The following DTL variants were observed in gnomAD, a reference collection of about 807,000 sequenced individuals.
DTL encodes the protein denticleless E3 ubiquitin protein ligase adapter.
A neutral mutation model predicts 87.0 loss-of-function variants in DTL; 46 were observed. The ratio of observed to expected loss-of-function variants is 0.53; its 90% CI spans 0.42 to 0.68. DTL has a LOEUF of 0.68. Among genes scored for constraint, DTL ranks in the 30% least tolerant of loss-of-function variants. DTL has a pLI of 0.00. For synonymous variants in DTL, 308 were observed against 311.2 expected, an observed-to-expected ratio of 0.99 and a Z score of 0.11; for missense variants, 737 against 869.4, an observed-to-expected ratio of 0.85 and a Z score of 1.91.
chr1:212,071,841 A>G (rs1217591963), intron 10 of DTL, among the ~76,000 whole-genome samples: 1 of 152,114 alleles, frequency 6.6e-6, no homozygotes, highest in Non-Finnish European at 1.5e-5. Context: ...TTTTCCCTCC[A>G]ATTTTTTTCT....
intron 13 of DTL, among the ~76,000 whole-genome samples, chr1:212,093,286 C>G (rs1655340549): frequency 6.6e-6 from 1 of 152,100 alleles, no homozygotes; most frequent in Non-Finnish European, 1.5e-5. Context: ...CTCCTGAAGC[C>G]CCAGTGGGCG....
intron 1 of DTL, among the ~76,000 whole-genome samples, chr1:212,037,754 A>G (rs1334456380): frequency 6.6e-6 from 1 of 152,240 alleles, no homozygotes; most frequent in Non-Finnish European, 1.5e-5. Context: ...GACCTCGGTC[A>G]TAGTGGTGGT....
rs1655713118 is a variant in DTL, at chr1:212,104,377, C to G, written c.*1437C>G. Reference sequence around the variant, plus strand: ...TGGATCAAGTAAGCATAGTTTTATCCAGGGAGAAAAATAAAAGGAAGCCAT... The same window carrying G: ...TGGATCAAGTAAGCATAGTTTTATCGAGGGAGAAAAATAAAAGGAAGCCAT... On this transcript the variant is annotated 3_prime_UTR_variant, in exon 15 of 15. Coordinates refer to ENST00000366991, the MANE Select transcript of DTL (RefSeq NM_016448.4). The G allele has an allele frequency of 1.3e-5, 2 of 151,330 alleles. No homozygotes were observed. Among genetic ancestry groups the G allele is most frequent in the South Asian group, 4.2e-4 (2 of 4,776 alleles). 9.4% of individuals were successfully genotyped at this position (151,330 alleles called of 1,614,324 possible).
intron 12 of DTL, among the ~76,000 whole-genome samples, chr1:212,079,372 A>G (rs988800256): frequency 1.3e-5 from 2 of 152,014 alleles, no homozygotes. Flanking sequence ...TCATATATTA[A>G]TTATCCTTAT....
At chr1:212,085,234 T>C (rs1325928812) in intron 13 of DTL, among the ~76,000 whole-genome samples, 3 of 152,226 alleles carry the variant, frequency 2.0e-5, no homozygotes, top group Non-Finnish European at 4.4e-5. Context: ...TAGTCATTAA[T>C]ACAATCTAAT....
chr1:212,037,613 C>G (rs1667527149), intron 1 of DTL, among the ~76,000 whole-genome samples: 1 of 152,136 alleles, frequency 6.6e-6, no homozygotes, highest in South Asian at 2.1e-4. Flanking sequence ...CAAACACCAC[C>G]GAACTTCTAA....
At chr1:212,080,546 A>AAGG in intron 12 of DTL, 69 bp from the exon 13 acceptor site, 1 of 1,491,888 alleles carries the variant, frequency 6.7e-7, no homozygotes, top group Non-Finnish European at 9.2e-7. Flanking sequence ...CTTAAGACAC[A>AAGG]CCTGTTTTTT....
rs202197897 is a variant in DTL, at chr1:212,072,123, G to T, written c.945G>T (p.Gln315His). 1 of 1,614,042 alleles carries T rather than the reference G, an allele frequency of 6.2e-7. No homozygotes were observed. The highest frequency in any genetic ancestry group is 1.3e-5 in the African/African-American group (1 of 75,040). ...CAGTGGCTATTTTCAATGGACACCA[G>T]AACTCTACCTTTTATGTAAAATCCA... is the stretch of plus-strand genomic sequence containing the variant. ...TSPVAIFNGHQNSTFYVKSSL... is the reference protein window; with the variant it reads ...TSPVAIFNGHHNSTFYVKSSL... The change falls in exon 11 of 15, where the codon CAG becomes CAT. Residue 315 changes from glutamine to histidine, a missense_variant. Transcript: ENST00000366991.
rs1655689097 is a variant in DTL, at chr1:212,103,640, C to T, written c.*700C>T. 6.6e-6 allele frequency: 1 copy of T among 152,106 alleles called. No homozygotes were observed. The highest frequency in any genetic ancestry group is 1.5e-5 in the Non-Finnish European group (1 of 68,034). 9.4% of individuals were successfully genotyped at this position (152,106 alleles called of 1,614,324 possible). On this transcript the variant is annotated 3_prime_UTR_variant, in exon 15 of 15. Transcript: ENST00000366991. ...TCTTTTTTCTCTCAAATATATCTCC[C>T]GTATGAGATTTCAGGTCCCCATGTT...
At chr1:212,097,785 G>A (rs764533306) in intron 13 of DTL, among the ~76,000 whole-genome samples, 1 of 152,064 alleles carries the variant, frequency 6.6e-6, no homozygotes, top group Non-Finnish European at 1.5e-5. Flanking sequence ...TTTAGGGGTG[G>A]TTATAGAACC....
At chr1:212,092,541 A>T (rs920947029) in intron 13 of DTL, among the ~76,000 whole-genome samples, 1 of 152,174 alleles carries the variant, frequency 6.6e-6, no homozygotes. Flanking sequence ...GTCTAAAAAA[A>T]AAAAAAGATA....
chr1:212,103,021 C>A lies in DTL; in HGVS notation c.*81C>A. The A allele has an allele frequency of 1.3e-6, 1 of 779,080 alleles. No individual in the cohort carries two copies. Among genetic ancestry groups the A allele is most frequent in the Non-Finnish European group, 2.1e-6 (1 of 475,122 alleles). The allele number at this position is 779,080 out of a possible 1,614,324, so 48.3% of individuals were successfully genotyped here. On this transcript the variant is annotated 3_prime_UTR_variant, in exon 15 of 15. Transcript: ENST00000366991. ...GTCCACTAAAACAAGATGAAAAATA[C>A]AAGAGTGACTCTATAACTCTGGTCT... is the stretch of plus-strand genomic sequence containing the variant.
chr1:212,094,727 C>T (rs1489988205), intron 13 of DTL, among the ~76,000 whole-genome samples: 1 of 152,164 alleles, frequency 6.6e-6, no homozygotes, highest in African/African-American at 2.4e-5. Flanking sequence ...TTCTACCCAT[C>T]CTTGAGCGTA....
intron 13 of DTL, among the ~76,000 whole-genome samples, chr1:212,090,067 A>C (rs1449738882): frequency 1.3e-5 from 2 of 152,184 alleles, no homozygotes; most frequent in Non-Finnish European, 2.9e-5. Context: ...CAAGCTCTAG[A>C]GCGTTAGTGT....
intron 13 of DTL, among the ~76,000 whole-genome samples, chr1:212,092,395 T>A (rs1655310566): frequency 6.6e-6 from 1 of 152,122 alleles, no homozygotes; most frequent in Admixed American, 6.5e-5. Flanking sequence ...TTAGGTGTGG[T>A]GGTGCATGCC....
At chr1:212,056,094 C>T (rs973374395) in intron 5 of DTL, among the ~76,000 whole-genome samples, 3 of 152,200 alleles carry the variant, frequency 2.0e-5, no homozygotes, top group Non-Finnish European at 2.9e-5. Context: ...ATCATCCACA[C>T]CACTCCACAC....
In DTL at chr1:212,072,102, G is replaced by A; in HGVS notation, c.924G>A (p.Val308=). Residue 308 remains valine (V), a splice_region_variant and synonymous_variant, in exon 11 of 15, where the codon GTG becomes GTA. Transcript: ENST00000366991. ...AATTTGGTTTTTTTCCTCTGGCAGT[G>A]GCTATTTTCAATGGACACCAGAACT... ...FNMTGLKTSP[V]AIFNGHQNST... is the part of the protein sequence containing the mutation. 1.2e-6 allele frequency: 2 copies of A among 1,613,348 alleles called. No homozygotes were observed. Among genetic ancestry groups the A allele is most frequent in the Admixed American group, 1.7e-5 (1 of 59,980 alleles).
At chr1:212,063,737 A>G (rs1197750896) in intron 6 of DTL, among the ~76,000 whole-genome samples, 1 of 152,240 alleles carries the variant, frequency 6.6e-6, no homozygotes, top group Non-Finnish European at 1.5e-5. Context: ...TTGGTAACAT[A>G]GTTCTACATA....
At chr1:212,078,616 A>G (rs1193959298) in intron 12 of DTL, among the ~76,000 whole-genome samples, 3 of 152,174 alleles carry the variant, frequency 2.0e-5, no homozygotes, top group Non-Finnish European at 2.9e-5. Flanking sequence ...GATATTATCA[A>G]TGTAGTATAT....
Sources: allele counts gnomAD v4.1 joint callset (sites outside exome capture counted in the v4.1 genomes callset), GRCh38; gene constraint gnomAD v4.1.1; transcripts MANE v1.5; gene names NCBI Gene and HGNC (gene_info 2026-07-23, HGNC 2026-07-21).